Variants in TENM2 observed in about 807,000 individuals in gnomAD.
TENM2 encodes the protein teneurin-2.
Under a neutral mutation model 245.2 loss-of-function variants are expected in TENM2, and 52 were observed. The observed-to-expected ratio is 0.21, with a 90% CI of 0.17 to 0.27. The LOEUF (loss-of-function observed/expected upper bound fraction) is 0.27. Among genes scored for constraint, TENM2 ranks in the 10% least tolerant of loss-of-function variants. The pLI is 1.00. For synonymous variants in TENM2, 1,363 were observed against 1,438.9 expected, an observed-to-expected ratio of 0.95 and a Z score of 1.19; for missense variants, 3,046 against 3,666.8, an observed-to-expected ratio of 0.83 and a Z score of 4.37.
In TENM2 at chr5:167,609,046, C is replaced by T. The variant is rs1777260370; in HGVS notation, c.502+233573C>T. Reference sequence around the variant, plus strand: ...TATTCATGAGTAAGCATGCTATCCTCATGCTGAAATCGTGTGAAGTCATTT... The same window carrying T: ...TATTCATGAGTAAGCATGCTATCCTTATGCTGAAATCGTGTGAAGTCATTT... On this transcript the variant is annotated intron_variant, in intron 2 of 28. Coordinates refer to ENST00000518659, the Ensembl canonical transcript of TENM2. Among the ~76,000 whole-genome samples the T allele has an allele frequency of 2.0e-5, 3 of 152,272 alleles. No individual in the cohort carries two copies. In the South Asian group the frequency reaches 6.2e-4, roughly 32 times the overall value.
At chr5:168,088,854 G>A (rs538351289) in intron 7 of TENM2, among the ~76,000 whole-genome samples, 2 of 152,160 alleles carry the variant, frequency 1.3e-5, no homozygotes, top group Admixed American at 6.5e-5. Context: ...TTCTGACGAC[G>A]GGAAAGGCAC....
At chr5:167,657,781 T>G (rs983843525) in intron 2 of TENM2, among the ~76,000 whole-genome samples, 2 of 152,250 alleles carry the variant, frequency 1.3e-5, no homozygotes, top group African/African-American at 2.4e-5. Flanking sequence ...AAATAGAGGT[T>G]GCTGTGTTTC....
intron 5 of TENM2, among the ~76,000 whole-genome samples, chr5:168,003,309 ACACACACAC>A (rs1562038568): frequency 3.3e-5 from 1 of 29,992 alleles, no homozygotes; most frequent in Non-Finnish European, 8.5e-5. Flanking sequence ...AAGAAAAAAC[ACACACACAC>A]ACACACACAC....
chr5:167,797,034 C>T (rs966716230), intron 2 of TENM2, among the ~76,000 whole-genome samples: 1 of 152,072 alleles, frequency 6.6e-6, no homozygotes, highest in African/African-American at 2.4e-5. Context: ...TGTTACAATC[C>T]CCTCTTGAAT....
At chr5:167,603,937 A>G (rs578146934) in intron 2 of TENM2, among the ~76,000 whole-genome samples, 5 of 152,168 alleles carry the variant, frequency 3.3e-5, no homozygotes, top group African/African-American at 9.7e-5. Context: ...TTCAGGTAGC[A>G]TATGTCTGTG....
chr5:167,178,434 C>T, the TENM2 span, among the ~76,000 whole-genome samples: 2 of 152,214 alleles, frequency 1.3e-5, no homozygotes. Context: ...TCATCCTGGT[C>T]GGGGCTCTTG....
At chr5:167,489,214 T>G (rs2127540314) in intron 2 of TENM2, among the ~76,000 whole-genome samples, 1 of 152,308 alleles carries the variant, frequency 6.6e-6, no homozygotes, top group African/African-American at 2.4e-5. Context: ...TTCAAATCCT[T>G]GCAATGGCAC....
chr5:168,157,633 TAGGAG>T (rs1325363407), intron 12 of TENM2, among the ~76,000 whole-genome samples: 1 of 151,530 alleles, frequency 6.6e-6, no homozygotes, highest in Non-Finnish European at 1.5e-5. Context: ...CAAGAGAAGG[TAGGAG>T]AGGAGGGGAA....
At chr5:167,844,022 TA>T (rs1157547875) in intron 2 of TENM2, among the ~76,000 whole-genome samples, 14 of 152,208 alleles carry the variant, frequency 9.2e-5, no homozygotes, top group African/African-American at 2.9e-4. Flanking sequence ...TTAATCTTTA[TA>T]GTGAAGATAT....
intron 2 of TENM2, among the ~76,000 whole-genome samples, chr5:167,855,092 C>T (rs1170714006): frequency 1.3e-5 from 2 of 152,188 alleles, no homozygotes; most frequent in Non-Finnish European, 2.9e-5. Flanking sequence ...CTTGCAGTGG[C>T]TTCTGAGGCC....
At chr5:167,637,493 T>G (rs1000595483) in intron 2 of TENM2, among the ~76,000 whole-genome samples, 2 of 152,206 alleles carry the variant, frequency 1.3e-5, no homozygotes, top group African/African-American at 4.8e-5. Flanking sequence ...GGATTATAAA[T>G]TATTCTGCTA....
At chr5:168,173,947 A>G (rs1271367400) in intron 13 of TENM2, among the ~76,000 whole-genome samples, 3 of 152,214 alleles carry the variant, frequency 2.0e-5, no homozygotes, top group Non-Finnish European at 4.4e-5. Context: ...AGGAACAGCA[A>G]TGCCTGTGTG....
the TENM2 span, among the ~76,000 whole-genome samples, chr5:167,227,739 T>TA: frequency 6.6e-6 from 1 of 152,322 alleles, no homozygotes; most frequent in South Asian, 2.1e-4. Context: ...GAAGAAGATC[T>TA]TTTTGCTTTG....
chr5:167,900,899 G>C (rs1355342222), intron 3 of TENM2, among the ~76,000 whole-genome samples: 11 of 151,948 alleles, frequency 7.2e-5, no homozygotes, highest in Non-Finnish European at 1.3e-4. Context: ...TTTTCTGTGG[G>C]AGATTGACAG....
intron 2 of TENM2, among the ~76,000 whole-genome samples, chr5:167,394,698 T>C (rs1382481314): frequency 2.0e-5 from 3 of 152,020 alleles, no homozygotes; most frequent in Non-Finnish European, 4.4e-5. Flanking sequence ...TGGGGTCAAG[T>C]GATTCTCCTG....
chr5:168,202,198 C>T (rs564613532), intron 17 of TENM2, among the ~76,000 whole-genome samples: 63 of 152,292 alleles, frequency 4.1e-4, no homozygotes, highest in African/African-American at 1.5e-3. Flanking sequence ...TATAGAGATG[C>T]TTTCTCCTTA....
Position 167,863,851 on chromosome 5 carries a change from A to C in TENM2, c.503-12135A>C, listed in dbSNP as rs79958839. On this transcript the variant is annotated intron_variant, in intron 2 of 28. Coordinates refer to ENST00000518659, the Ensembl canonical transcript of TENM2. Reference sequence around the variant, plus strand: ...CTGTACGCTAGTGGAGATTTTTCAGATACAAGGCAATGATGTTCGAACAAT... The same window carrying C: ...CTGTACGCTAGTGGAGATTTTTCAGCTACAAGGCAATGATGTTCGAACAAT... 9.0e-3 allele frequency among the ~76,000 whole-genome samples: 1,375 copies of C among 152,288 alleles called. 17 individuals are homozygous for C. Among genetic ancestry groups the C allele is most frequent in the African/African-American group, 0.031 (1,289 of 41,560 alleles).
intron 12 of TENM2, 44 bp from the exon 15 acceptor site, chr5:168,162,567 G>A (rs376490398): frequency 1.2e-5 from 20 of 1,600,722 alleles, no homozygotes; most frequent in Admixed American, 3.4e-5. Context: ...TCCCCAGCGC[G>A]GCCTCACGTC....
At chr5:167,993,680 AG>A (rs1241296772) in intron 5 of TENM2, among the ~76,000 whole-genome samples, 1 of 152,262 alleles carries the variant, frequency 6.6e-6, no homozygotes, top group African/African-American at 2.4e-5. Context: ...CAGGACTGAC[AG>A]GCTGGAGCAT....
Sources: allele counts gnomAD v4.1 joint callset (sites outside exome capture counted in the v4.1 genomes callset), GRCh38; gene constraint gnomAD v4.1.1; transcripts MANE v1.5; gene names NCBI Gene and HGNC (gene_info 2026-07-23, HGNC 2026-07-21).